COL6A2: variants seen among roughly 807,000 people sequenced by gnomAD.
The protein encoded by COL6A2 is collagen type VI alpha 2 chain.
In COL6A2, 90 loss-of-function variants were observed where a neutral mutation model predicts 124.9. That is an observed-to-expected ratio of 0.72 (90% CI 0.61 to 0.86). The LOEUF is 0.86. Among genes scored for constraint, COL6A2 ranks in the 40% least tolerant of loss-of-function variants. The pLI is 0.00. For missense variants in COL6A2, 1,607 were observed against 1,502.5 expected (o/e 1.07, Z -1.15); for synonymous variants, 793 against 618.2 (o/e 1.28, Z -4.19).
At chr21:46,105,476 G>T (rs929561439) in intron 1 of COL6A2, among the ~76,000 whole-genome samples, 1 of 152,174 alleles carries the variant, frequency 6.6e-6, no homozygotes, top group Non-Finnish European at 1.5e-5. Context: ...GTGTAATGCT[G>T]CTTTTTGTTT....
chr21:46,126,128 C>A lies in COL6A2; in HGVS notation c.2313C>A (p.Asn771Lys). ...DMFHEKHESE[N>K]LYSIACDKPQ... The stretch of plus-strand genomic sequence containing the variant: ...TCCACGAGAAGCACGAGAGTGAAAA[C>A]CTCTACTCCATCGCCTGCGACAAGC... Residue 771 changes from asparagine to lysine, a missense_variant, in exon 26 of 28, where the codon AAC (asparagine) becomes AAA (lysine). Around this residue, in one of 3 missense-constraint regions of COL6A2, gnomAD observed 1,223 missense variants for 1,052.2 expected, o/e 1.16. Coordinates refer to ENST00000300527, the MANE Select transcript of COL6A2 (RefSeq NM_001849.4). The A allele has an allele frequency of 6.2e-7, 1 of 1,612,190 alleles. No homozygotes were observed. Among genetic ancestry groups the A allele is most frequent in the Non-Finnish European group, 8.5e-7 (1 of 1,180,018 alleles).
At chr21:46,126,893 C>T (rs961114201) in intron 27 of COL6A2, among the ~76,000 whole-genome samples, 9 of 152,176 alleles carry the variant, frequency 5.9e-5, no homozygotes, top group Non-Finnish European at 1.3e-4. Flanking sequence ...GCATGTGCCA[C>T]TCGGAGGAAG....
At chr21:46,128,729 C>T (rs957300737) in intron 27 of COL6A2, among the ~76,000 whole-genome samples, 1 of 152,254 alleles carries the variant, frequency 6.6e-6, no homozygotes, top group African/African-American at 2.4e-5. Context: ...GAGGCCAGGT[C>T]TGCTCAGGGG....
chr21:46,122,987 G>C lies in COL6A2; in HGVS notation c.1671+50G>C, dbSNP rs771402931. ...ACAGCAGCTGGGCAGAGGCAGGGAGGGGCCCTGAGGCTGAGCGTGTGCATC... is the reference window on the plus strand; with the variant it reads ...ACAGCAGCTGGGCAGAGGCAGGGAGCGGCCCTGAGGCTGAGCGTGTGCATC... On this transcript the variant is annotated intron_variant, in intron 21 of 27. Transcript: ENST00000300527. The C allele has an allele frequency of 3.8e-6, 6 of 1,564,384 alleles. No homozygotes were observed. The East Asian group carries it at 1.3e-4, about 35-fold the overall frequency.
intron 12 of COL6A2, 138 bp from the exon 13 acceptor site, chr21:46,118,476 T>A (rs1020671285): frequency 2.6e-6 from 2 of 776,724 alleles, no homozygotes; most frequent in Admixed American, 2.1e-5. Flanking sequence ...CCAGCCAGCA[T>A]CTGGCATCCC....
chr21:46,112,995 C>A, intron 4 of COL6A2, 171 bp downstream of exon 4: 1 of 807,354 alleles, frequency 1.2e-6, no homozygotes, highest in Non-Finnish European at 2.0e-6. Context: ...GGGCTCCCAG[C>A]CAAAGCTAGG....
rs886416917 is a variant in COL6A2, at chr21:46,132,635, G to A, written c.*83G>A. ...AGCGGGCCCGGGTCCCACACGGCCA[G>A]CACCGCTGCTCACTCGGACGACGCC... On this transcript the variant is annotated 3_prime_UTR_variant, in exon 28 of 28. Transcript: ENST00000300527. 6.7e-6 allele frequency: 9 copies of A among 1,348,776 alleles called. No homozygotes were observed. In the African/African-American group the frequency reaches 1.3e-4, roughly 19 times the overall value. 83.6% of individuals were successfully genotyped at this position (1,348,776 alleles called of 1,614,324 possible). A position where few individuals can be genotyped will look rare whatever the true frequency, so the allele number is the denominator to read the frequency against.
rs1384516142 is a variant in COL6A2 at position 46,132,130 on chromosome 21, C to A, written c.2638C>A (p.Leu880Met). The change falls in exon 28 of 28, where the codon CTG becomes ATG. Residue 880 changes from leucine to methionine, a missense_variant. Around this residue, in one of 3 missense-constraint regions of COL6A2, gnomAD observed 1,223 missense variants for 1,052.2 expected, o/e 1.16. Transcript: ENST00000300527. ...CCCTCTCAACGCACGCGTGGCGCTG[C>A]TGCAGTTTGGTGGCCCCGGCGAGCA... ...DDPLNARVAL[L>M]QFGGPGEQQV... 1.3e-6 allele frequency: 2 copies of A among 1,578,698 alleles called. No individual in the cohort carries two copies. The highest frequency in any genetic ancestry group is 4.7e-5 in the East Asian group (2 of 42,284).
At chr21:46,118,501 C>T (rs2123635300) in intron 12 of COL6A2, 113 bp from the exon 13 acceptor site, 2 of 981,298 alleles carry the variant, frequency 2.0e-6, no homozygotes, top group Middle Eastern at 2.1e-4. Flanking sequence ...GCCCCGTGGA[C>T]ATCAGGGAGG....
chr21:46,123,930 TTGGGTAGGTGA>T (rs1267718564), intron 21 of COL6A2, among the ~76,000 whole-genome samples: 15 of 125,154 alleles, frequency 1.2e-4, no homozygotes, highest in Admixed American at 3.2e-4. Flanking sequence ...GGATGGATGG[TTGGGTAGGTGA>T]TGGGTGGATG....
rs2123646873 is a variant in COL6A2, at chr21:46,121,619, G to A, written c.1521+1G>A. On this transcript the variant is annotated splice_donor_variant, in intron 18 of 27. Coordinates refer to ENST00000300527, the MANE Select transcript of COL6A2 (RefSeq NM_001849.4). LOFTEE classifies it high-confidence loss of function. ...AGACTCAGGACAGCCAGGCCCCAAGGTACGTGCCCCTCCCCCAGCAGGACG... is the reference window on the plus strand; with the variant it reads ...AGACTCAGGACAGCCAGGCCCCAAGATACGTGCCCCTCCCCCAGCAGGACG... 2 of 1,612,726 alleles carry A rather than the reference G, an allele frequency of 1.2e-6. No individual in the cohort carries two copies. Among genetic ancestry groups the A allele is most frequent in the Non-Finnish European group, 1.7e-6 (2 of 1,179,898 alleles).
At position 46,116,923 on chromosome 21, in the gene COL6A2, G is replaced by GCGTA; in HGVS notation, c.999+110_999+111insGTAC. On this transcript the variant is annotated intron_variant, in intron 10 of 27. Coordinates refer to ENST00000300527, the MANE Select transcript of COL6A2 (RefSeq NM_001849.4). This position sits in a 1 kb window ranked among gnomAD's most constrained non-coding sequence, Gnocchi z 4.6. ...TGTCAGCTTACACATGTGTACACAC[G>GCGTA]CATACACACACACACACACACACAC... is the stretch of plus-strand genomic sequence containing the variant. 3 of 643,322 alleles carry GCGTA rather than the reference G, an allele frequency of 4.7e-6. No individual in the cohort carries two copies. The highest frequency in any genetic ancestry group is 7.5e-6 in the Non-Finnish European group (3 of 401,796). The allele number at this position is 643,322 out of a possible 1,614,324, so 39.9% of individuals were successfully genotyped here.
chr21:46,120,094 G>GCCCACTGAGGCACCACTCACACCCCAGCC (rs2078537150), intron 15 of COL6A2, among the ~76,000 whole-genome samples: 1 of 68,744 alleles, frequency 1.5e-5, no homozygotes, highest in Non-Finnish European at 3.5e-5. Flanking sequence ...TTCACCCCCG[G>GCCCACTGAGGCACCACTCACACCCCAGCC]CCCACTGAGG....
At chr21:46,130,770 A>T (rs1290841277) in intron 27 of COL6A2, among the ~76,000 whole-genome samples, 1 of 152,186 alleles carries the variant, frequency 6.6e-6, no homozygotes, top group Non-Finnish European at 1.5e-5. Flanking sequence ...GTACCTGAGG[A>T]GTTTCTGGAC....
chr21:46,129,562 G>C, intron 27 of COL6A2: 1 of 1,470,452 alleles, frequency 6.8e-7, no homozygotes, highest in South Asian at 1.4e-5. Context: ...CCCCCGACAG[G>C]CTGGCTCTCA....
intron 19 of COL6A2, 49 bp downstream of exon 19, chr21:46,122,207 C>A (rs748738106): frequency 1.3e-6 from 2 of 1,595,142 alleles, no homozygotes; most frequent in Non-Finnish European, 1.7e-6. Context: ...TGGACATTGT[C>A]CCAAGGGCCC....
rs1288520983 is a variant in COL6A2, at chr21:46,111,447, C to G, written c.-27-3C>G. The G allele has an allele frequency of 1.9e-6, 3 of 1,567,158 alleles. No homozygotes were observed. The highest frequency in any genetic ancestry group is 1.8e-6 in the Non-Finnish European group (2 of 1,140,064). On this transcript the variant is annotated splice_polypyrimidine_tract_variant and splice_region_variant and intron_variant, in intron 1 of 27. Transcript: ENST00000300527. ...GTCTGAGCGACCCCCACCCCTGTTG[C>G]AGGACTTCAGGGCCACAGGTGCTGC...
intron 1 of COL6A2, 68 bp from the exon 2 acceptor site, chr21:46,111,382 C>T (rs895245650): frequency 1.4e-5 from 12 of 888,152 alleles, no homozygotes; most frequent in Non-Finnish European, 2.0e-5. Flanking sequence ...GTGCGTGCGC[C>T]TGCCATGGGG....
chr21:46,120,513 AG>A lies in COL6A2; in HGVS notation c.1336del, dbSNP rs1168245071. On this transcript the variant is annotated splice_acceptor_variant, in intron 15 of 27. Transcript: ENST00000300527. LOFTEE classifies it high-confidence loss of function. ...CGTGGGGCCTCCCTTCCCTTCCCAC[AG>A]GGGGACCCTGGCCCTGAGGGGCCCC... 7.9e-6 allele frequency: 12 copies of A among 1,509,740 alleles called. No individual in the cohort carries two copies. The South Asian group carries it at 1.0e-4, about 13-fold the overall frequency. 93.5% of individuals were successfully genotyped at this position (1,509,740 alleles called of 1,614,324 possible). A position where few individuals can be genotyped will look rare whatever the true frequency, so the allele number is the denominator to read the frequency against.
Sources: allele counts gnomAD v4.1 joint callset (sites outside exome capture counted in the v4.1 genomes callset), GRCh38; gene constraint gnomAD v4.1.1; regional missense constraint gnomAD v4.1.1; non-coding constraint Gnocchi (gnomAD v3.1); transcripts MANE v1.5; gene names NCBI Gene and HGNC (gene_info 2026-07-23, HGNC 2026-07-21).